The following ZNF536 variants were observed in gnomAD, a reference collection of about 807,000 sequenced individuals.
The protein encoded by ZNF536 is zinc finger protein 536.
A neutral mutation model predicts 84.5 loss-of-function variants in ZNF536; 13 were observed. The ratio of observed to expected loss-of-function variants is 0.15; its 90% confidence interval spans 0.10 to 0.24. The LOEUF (loss-of-function observed/expected upper bound fraction) is 0.24, where lower values mean the gene tolerates loss of function less well. Ranked by LOEUF, ZNF536 falls within the 10% of genes least tolerant of loss-of-function variation. The pLI, the probability that ZNF536 is intolerant of heterozygous loss-of-function variation, is 1.00. For missense variants in ZNF536, 1,536 were observed against 1,747.5 expected (o/e 0.88, Z 2.16); for synonymous variants, 811 against 742.5 (o/e 1.09, Z -1.50).
At chr19:30,595,020 A>G (rs747956039) in intron 1 of ZNF536, among the ~76,000 whole-genome samples, 3 of 151,984 alleles carry the variant, frequency 2.0e-5, no homozygotes, top group Non-Finnish European at 2.9e-5. Flanking sequence ...GGCAGGAGGG[A>G]CCCAAGGTGC....
At position 30,331,292 on chromosome 19, in the gene ZNF536, T is replaced by TAAAAAAAA. The variant is rs11324495; in HGVS notation, c.-119-21054_-119-21047dup. On this transcript the variant is annotated intron_variant, in intron 2 of 5. Coordinates refer to the ZNF536 transcript ENST00000585628. The stretch of plus-strand genomic sequence containing the variant: ...GGGAACAGAGTAAGACCCTGTATCT[T>TAAAAAAAA]AAAAAAAAAAAAAAAAAAAAAAAAA... Among the ~76,000 whole-genome samples, 12 of 41,738 alleles carry TAAAAAAAA rather than the reference T, an allele frequency of 2.9e-4. 1 individual carries two copies. The highest frequency in any genetic ancestry group is 6.3e-4 in the African/African-American group (6 of 9,458). 27.4% of individuals were successfully genotyped at this position (41,738 alleles called of 152,430 possible). A position where few individuals can be genotyped will look rare whatever the true frequency, so the allele number is the denominator to read the frequency against.
At chr19:30,702,133 G>A (rs551421417) in intron 1 of ZNF536, among the ~76,000 whole-genome samples, 4 of 152,262 alleles carry the variant, frequency 2.6e-5, no homozygotes, top group African/African-American at 7.2e-5. Context: ...CCCTCCCAAG[G>A]GCAGGCATTT....
intron 1 of ZNF536, among the ~76,000 whole-genome samples, chr19:30,692,666 C>G (rs1453097179): frequency 6.6e-6 from 1 of 152,174 alleles, no homozygotes; most frequent in African/African-American, 2.4e-5. Flanking sequence ...GAGTGCTTCG[C>G]AGCTGTTGCA....
chr19:30,431,481 C>T (rs1402710680), intron 1 of ZNF536, among the ~76,000 whole-genome samples: 7 of 152,192 alleles, frequency 4.6e-5, no homozygotes, highest in Non-Finnish European at 1.0e-4. Context: ...CTTATGTCTT[C>T]GACAGGTGCC....
intron 2 of ZNF536, among the ~76,000 whole-genome samples, chr19:30,454,482 C>G (rs1311772176): frequency 6.6e-6 from 1 of 152,190 alleles, no homozygotes; most frequent in Non-Finnish European, 1.5e-5. Context: ...TCTTGAAGAT[C>G]AAGACAGATA....
At chr19:30,678,583 G>A (rs553010243) in intron 1 of ZNF536, among the ~76,000 whole-genome samples, 1 of 152,324 alleles carries the variant, frequency 6.6e-6, no homozygotes, top group South Asian at 2.1e-4. Flanking sequence ...CCCAAGACAA[G>A]AGAAGGCATG....
At chr19:30,454,877 G>A (rs955302921) in intron 2 of ZNF536, among the ~76,000 whole-genome samples, 1 of 152,146 alleles carries the variant, frequency 6.6e-6, no homozygotes, top group Admixed American at 6.5e-5. Flanking sequence ...TACTAAAAAT[G>A]CAAAAATTAA....
intron 2 of ZNF536, among the ~76,000 whole-genome samples, chr19:30,304,657 C>T (rs541107041): frequency 4.0e-4 from 61 of 152,276 alleles, no homozygotes; most frequent in African/African-American, 1.3e-3. Context: ...GTGAGGTGAC[C>T]TGGTAGGGTC....
intron 1 of ZNF536, among the ~76,000 whole-genome samples, chr19:30,572,878 G>A (rs1018532500): frequency 6.6e-6 from 1 of 152,186 alleles, no homozygotes; most frequent in African/African-American, 2.4e-5. Context: ...CATGGATAGA[G>A]AGCTAGAGCT....
At chr19:30,261,016 C>T (rs923366656) in intron 1 of ZNF536, among the ~76,000 whole-genome samples, 1 of 151,562 alleles carries the variant, frequency 6.6e-6, no homozygotes, top group Non-Finnish European at 1.5e-5. Context: ...ATATAACTAG[C>T]GGCCGGGCGC....
chr19:30,561,461 C>A (rs1333292290), downstream of ZNF536, among the ~76,000 whole-genome samples: 1 of 152,118 alleles, frequency 6.6e-6, no homozygotes, highest in Non-Finnish European at 1.5e-5. Context: ...CCTTGGTGAC[C>A]TAGTTGGGTC....
intron 2 of ZNF536, among the ~76,000 whole-genome samples, chr19:30,531,445 A>AT (rs35093534): frequency 0.013 from 1,862 of 144,816 alleles, 7 homozygotes; most frequent in African/African-American, 0.023. Context: ...CTTTTTTGTG[A>AT]TTTTTTTTTT....
At chr19:30,626,579 G>C (rs1000270004) in intron 1 of ZNF536, among the ~76,000 whole-genome samples, 1 of 152,108 alleles carries the variant, frequency 6.6e-6, no homozygotes, top group African/African-American at 2.4e-5. Flanking sequence ...GTTTAGTGGT[G>C]CTGGAGCCTG....
At chr19:30,290,097 G>A (rs889657863) in intron 2 of ZNF536, among the ~76,000 whole-genome samples, 2 of 152,056 alleles carry the variant, frequency 1.3e-5, no homozygotes, top group Non-Finnish European at 2.9e-5. Flanking sequence ...GACTACTCTA[G>A]GTACTTTATA....
intron 2 of ZNF536, among the ~76,000 whole-genome samples, chr19:30,505,271 T>A (rs932101674): frequency 1.4e-5 from 2 of 147,736 alleles, no homozygotes; most frequent in African/African-American, 4.9e-5. Context: ...CATTACATAT[T>A]ATATACTAAT....
At chr19:30,406,215 G>A (rs1222108618) in intron 1 of ZNF536, among the ~76,000 whole-genome samples, 1 of 152,188 alleles carries the variant, frequency 6.6e-6, no homozygotes, top group Non-Finnish European at 1.5e-5. Context: ...TGAATTTATA[G>A]CCTAGCAGGG....
At chr19:30,282,470 TC>T (rs1568302100) in intron 1 of ZNF536, among the ~76,000 whole-genome samples, 1 of 152,172 alleles carries the variant, frequency 6.6e-6, no homozygotes, top group Non-Finnish European at 1.5e-5. Flanking sequence ...GTGTGGGACT[TC>T]CCCCGATGAA....
intron 2 of ZNF536, among the ~76,000 whole-genome samples, chr19:30,286,394 C>T (rs1360488278): frequency 6.6e-6 from 1 of 152,026 alleles, no homozygotes; most frequent in Non-Finnish European, 1.5e-5. Context: ...ACAGGTTTTG[C>T]CCTTGGTACC....
chr19:30,412,416 A>G (rs2050531240), intron 1 of ZNF536, among the ~76,000 whole-genome samples: 1 of 53,936 alleles, frequency 1.9e-5, no homozygotes, highest in South Asian at 6.2e-4. Context: ...GATGTTGTTG[A>G]TATAATATGA....
Sources: allele counts gnomAD v4.1 joint callset (sites outside exome capture counted in the v4.1 genomes callset), GRCh38; gene constraint gnomAD v4.1.1; transcripts MANE v1.5; gene names NCBI Gene and HGNC (gene_info 2026-07-23, HGNC 2026-07-21).